Variants in DAAM1 observed in about 807,000 individuals in gnomAD.
The protein encoded by DAAM1 is disheveled-associated activator of morphogenesis 1.
DAAM1 carries 52 observed loss-of-function variants against 130.0 expected under a neutral mutation model. The observed-to-expected ratio is 0.40, with a 90% CI of 0.32 to 0.50. The LOEUF (loss-of-function observed/expected upper bound fraction) is 0.50. DAAM1 is among the 20% of genes least tolerant of loss of function. The probability of loss-of-function intolerance (pLI) is 0.61; values close to 1 mark genes in which losing one functional copy is unlikely to be tolerated. For missense variants in DAAM1, 1,134 were observed against 1,303.8 expected (o/e 0.87, Z 2.01); for synonymous variants, 452 against 444.5 (o/e 1.02, Z -0.21).
intron 1 of DAAM1, among the ~76,000 whole-genome samples, chr14:59,210,706 G>T (rs1253017644): frequency 1.3e-5 from 2 of 152,134 alleles, no homozygotes; most frequent in Non-Finnish European, 2.9e-5. Context: ...TTGCCTTAGT[G>T]TTTTCTTAAT....
chr14:59,301,173 T>C (rs1177111406), intron 3 of DAAM1, among the ~76,000 whole-genome samples: 1 of 152,172 alleles, frequency 6.6e-6, no homozygotes, highest in Admixed American at 6.5e-5. Flanking sequence ...TTAAAGTTTT[T>C]CAGTTTTTTC....
Position 59,331,427 on chromosome 14 carries a change from A to G in DAAM1, c.1779A>G (p.Pro593=). 1 of 1,613,600 alleles carries G rather than the reference A, an allele frequency of 6.2e-7. No individual in the cohort carries two copies. Among genetic ancestry groups the G allele is most frequent in the Non-Finnish European group, 8.5e-7 (1 of 1,179,960 alleles). The change falls in exon 14 of 25, where the codon CCA becomes CCG. Residue 593 remains proline (P), a synonymous_variant. Transcript: ENST00000360909. ...CAATCATGCCACCTCCTGGTGCTCC[A>G]ATGGGCCTAGCACTGAAGAAGAAAA... is the stretch of plus-strand genomic sequence containing the variant. ...LGAIMPPPGA[P]MGLALKKKSI...
chr14:59,326,785 T>A, intron 11 of DAAM1, 137 bp downstream of exon 11: 1 of 1,495,690 alleles, frequency 6.7e-7, no homozygotes, highest in Non-Finnish European at 9.1e-7. Context: ...ACATGCACTA[T>A]AGCTAAGTAA....
chr14:59,334,953 A>G (rs1885569889), intron 15 of DAAM1, among the ~76,000 whole-genome samples: 1 of 152,220 alleles, frequency 6.6e-6, no homozygotes, highest in African/African-American at 2.4e-5. Flanking sequence ...CAAGTATGAT[A>G]TGCACAGTTC....
intron 2 of DAAM1, among the ~76,000 whole-genome samples, chr14:59,279,891 A>G (rs188888712): frequency 6.6e-6 from 1 of 152,316 alleles, no homozygotes; most frequent in African/African-American, 2.4e-5. Context: ...ATCAGTAAAA[A>G]TAAGACAGGT....
At chr14:59,324,598 T>C in intron 8 of DAAM1, 144 bp downstream of exon 8, 1 of 423,424 alleles carries the variant, frequency 2.4e-6, no homozygotes, top group South Asian at 9.0e-5. Flanking sequence ...CAGCTAATGA[T>C]GTTTTCATAG....
chr14:59,318,945 A>G (rs1284189669), intron 4 of DAAM1, among the ~76,000 whole-genome samples: 2 of 152,232 alleles, frequency 1.3e-5, no homozygotes, highest in Non-Finnish European at 2.9e-5. Context: ...ATGTGTAGTC[A>G]TTAATTTGGG....
At chr14:59,328,240 G>A (rs951074391) in intron 12 of DAAM1, among the ~76,000 whole-genome samples, 2 of 152,176 alleles carry the variant, frequency 1.3e-5, no homozygotes, top group Non-Finnish European at 2.9e-5. Flanking sequence ...GTTATGTTAC[G>A]AGTTCCTCAT....
rs1886377868 is a variant in DAAM1 at position 59,353,954 on chromosome 14, T to C, written c.2346T>C (p.Pro782=). 1.2e-6 allele frequency: 2 copies of C among 1,613,678 alleles called. No individual in the cohort carries two copies. Among genetic ancestry groups the C allele is most frequent in the Non-Finnish European group, 1.7e-6 (2 of 1,179,792 alleles). The change falls in exon 19 of 25, where the codon CCT becomes CCC. Residue 782 remains proline, a synonymous_variant. Transcript: ENST00000360909. The part of the protein sequence containing the change: ...KFAERVAEVK[P]KVEAIRSGSE... ...CAGAGCGTGTGGCAGAAGTGAAACC[T>C]AAAGTGGAAGGTAAAGTCAAGCTGT...
At chr14:59,212,230 C>T (rs1262416269) in intron 1 of DAAM1, among the ~76,000 whole-genome samples, 4 of 152,148 alleles carry the variant, frequency 2.6e-5, no homozygotes, top group Non-Finnish European at 4.4e-5. Context: ...AGTATGTGAT[C>T]ATAATAATGC....
intron 1 of DAAM1, among the ~76,000 whole-genome samples, chr14:59,222,544 A>C (rs954300041): frequency 1.9e-4 from 29 of 152,142 alleles, no homozygotes; most frequent in Non-Finnish European, 4.3e-4. Flanking sequence ...GGCGAGTTGA[A>C]GTCTGTGTTG....
At chr14:59,231,315 C>T (rs928085469) in intron 1 of DAAM1, among the ~76,000 whole-genome samples, 14 of 151,976 alleles carry the variant, frequency 9.2e-5, no homozygotes, top group African/African-American at 3.4e-4. Flanking sequence ...GATGTAAGCA[C>T]AAGAAATATT....
chr14:59,352,515 G>A lies in DAAM1; in HGVS notation c.2161-11G>A. On this transcript the variant is annotated splice_polypyrimidine_tract_variant and intron_variant, in intron 17 of 24. Transcript: ENST00000360909. The stretch of plus-strand genomic sequence containing the variant: ...TAAACCTCAGTTTTAATATTCGTGT[G>A]TACTTTTCAGCTCTTGAAATTTGTT... The A allele has an allele frequency of 6.2e-7, 1 of 1,603,504 alleles. No homozygotes were observed.
intron 1 of DAAM1, among the ~76,000 whole-genome samples, chr14:59,201,897 A>G (rs1888117166): frequency 6.6e-6 from 1 of 152,176 alleles, no homozygotes; most frequent in African/African-American, 2.4e-5. Context: ...TACCTGTCAT[A>G]TAGTGTGCAC....
At chr14:59,285,127 A>G (rs1315580338) in intron 2 of DAAM1, among the ~76,000 whole-genome samples, 1 of 152,170 alleles carries the variant, frequency 6.6e-6, no homozygotes, top group Non-Finnish European at 1.5e-5. Flanking sequence ...GAAACCTTAT[A>G]AGCCAGAAGA....
At chr14:59,359,855 C>G (rs1480579323) in intron 21 of DAAM1, among the ~76,000 whole-genome samples, 8 of 152,176 alleles carry the variant, frequency 5.3e-5, no homozygotes, top group African/African-American at 1.7e-4. Context: ...CACACATACT[C>G]CCAGAAACCA....
chr14:59,267,042 G>T (rs1882476685), intron 2 of DAAM1, among the ~76,000 whole-genome samples: 1 of 152,166 alleles, frequency 6.6e-6, no homozygotes, highest in Non-Finnish European at 1.5e-5. Context: ...ACTGCAAGAG[G>T]GATGAGAGAT....
intron 17 of DAAM1, among the ~76,000 whole-genome samples, chr14:59,349,417 A>C (rs1371201372): frequency 6.6e-6 from 1 of 152,272 alleles, no homozygotes; most frequent in Non-Finnish European, 1.5e-5. Context: ...ACTGAAGCAG[A>C]ATCTGGACAA....
intron 2 of DAAM1, among the ~76,000 whole-genome samples, chr14:59,271,165 A>T (rs1465043618): frequency 6.6e-6 from 1 of 152,168 alleles, no homozygotes; most frequent in Non-Finnish European, 1.5e-5. Flanking sequence ...ACTTCCATTT[A>T]TTAGGCCAGT....
Sources: allele counts gnomAD v4.1 joint callset (sites outside exome capture counted in the v4.1 genomes callset), GRCh38; gene constraint gnomAD v4.1.1; transcripts MANE v1.5; gene names NCBI Gene and HGNC (gene_info 2026-07-23, HGNC 2026-07-21).